Variants in SGK1 observed in about 807,000 individuals in gnomAD.
SGK1 encodes the protein serum/glucocorticoid regulated kinase 1, also known as serine/threonine-protein kinase Sgk1.
Under a neutral mutation model 64.2 loss-of-function variants are expected in SGK1, and 26 were observed. The observed-to-expected ratio is 0.40, with a 90% CI of 0.30 to 0.56. The LOEUF is 0.56. Ranked by LOEUF, SGK1 falls within the 20% of genes least tolerant of loss-of-function variation. The pLI, the probability that SGK1 is intolerant of heterozygous loss-of-function variation, is 0.38. For synonymous variants in SGK1, 265 were observed against 239.7 expected, an observed-to-expected ratio of 1.11 and a Z score of -0.98; for missense variants, 519 against 645.6, an observed-to-expected ratio of 0.80 and a Z score of 2.12.
chr6:134,298,534 C>A (rs536915003), intron 1 of SGK1: 5 of 807,598 alleles, frequency 6.2e-6, no homozygotes, highest in Non-Finnish European at 1.1e-5. Flanking sequence ...CTGGCCCCAC[C>A]ATAGCCTCCA....
At chr6:134,218,437 C>CTTTTTTTT (rs71003680) in intron 2 of SGK1, among the ~76,000 whole-genome samples, 10 of 129,166 alleles carry the variant, frequency 7.7e-5, no homozygotes, top group African/African-American at 1.4e-4. Context: ...TTCTTTTTTT[C>CTTTTTTTT]TTTTTTTTTT....
At chr6:134,253,352 C>G (rs777172465) in intron 2 of SGK1, among the ~76,000 whole-genome samples, 1 of 151,024 alleles carries the variant, frequency 6.6e-6, no homozygotes, top group African/African-American at 2.4e-5. Context: ...AGGCAGGTCT[C>G]GAACTCCTGG....
intron 3 of SGK1, among the ~76,000 whole-genome samples, chr6:134,189,070 T>C (rs1775467485): frequency 6.6e-6 from 1 of 151,884 alleles, no homozygotes; most frequent in Non-Finnish European, 1.5e-5. Context: ...ACAGACACTT[T>C]TTATAAAACT....
At chr6:134,291,889 C>T (rs1456817830) in intron 1 of SGK1, among the ~76,000 whole-genome samples, 6 of 151,918 alleles carry the variant, frequency 3.9e-5, no homozygotes, top group Non-Finnish European at 5.9e-5. Flanking sequence ...GGTGAAACTC[C>T]GTCTCTACTA....
intron 3 of SGK1, chr6:134,177,791 G>T (rs761036624): frequency 6.2e-7 from 1 of 1,613,708 alleles, no homozygotes. Context: ...CCTGCTACAT[G>T]CCTCTGATAA....
In SGK1 at chr6:134,170,191, T is replaced by C; in HGVS notation, c.*77A>G. 3 of 1,254,276 alleles carry C rather than the reference T, an allele frequency of 2.4e-6. No homozygotes were observed. The highest frequency in any genetic ancestry group is 1.4e-5 in the South Asian group (1 of 69,598). 77.7% of individuals were successfully genotyped at this position (1,254,276 alleles called of 1,614,324 possible). On this transcript the variant is annotated 3_prime_UTR_variant, in exon 14 of 14. Coordinates refer to ENST00000367858, the MANE Select transcript of SGK1 (RefSeq NM_001143676.3). ...TTCTCTTGTAAGATGTCCTGTCAGC[T>C]GGCGGCTCCACCAAAAGGCTAACTA...
In SGK1 at chr6:134,171,750, G is replaced by C. The variant is rs767153213; in HGVS notation, c.1072-18C>G. ...GCGAGATACTGAAAAACAGACCAGG[G>C]AAACAGCGTTTAGAACCTGCGAAAG... is the stretch of plus-strand genomic sequence containing the variant. On this transcript the variant is annotated intron_variant, in intron 10 of 13. Coordinates refer to ENST00000367858, the MANE Select transcript of SGK1 (RefSeq NM_001143676.3). The C allele has an allele frequency of 1.7e-5, 27 of 1,564,406 alleles. No homozygotes were observed. The highest frequency in any genetic ancestry group is 2.1e-5 in the Non-Finnish European group (24 of 1,135,546).
Position 134,222,909 on chromosome 6 carries a change from G to T in SGK1, c.286-15478C>A, listed in dbSNP as rs1776112782. Among the ~76,000 whole-genome samples the T allele has an allele frequency of 5.9e-5, 9 of 152,248 alleles. No homozygotes were observed. In the South Asian group the frequency reaches 1.9e-3, roughly 32 times the overall value. On this transcript the variant is annotated intron_variant, in intron 2 of 13. Coordinates refer to ENST00000367858, the MANE Select transcript of SGK1 (RefSeq NM_001143676.3). ...ACAGTGCTAAGTTCCTATCCAAAGG[G>T]AGTAGGGAGACTGGGTTATCAATGT... is the stretch of plus-strand genomic sequence containing the variant.
At chr6:134,304,636 A>C (rs192634939) in intron 1 of SGK1, among the ~76,000 whole-genome samples, 1 of 152,122 alleles carries the variant, frequency 6.6e-6, no homozygotes, top group East Asian at 1.9e-4. Context: ...TTGAAGTTCA[A>C]GGTTAAAGTG....
At chr6:134,198,698 A>ATT (rs34050351) in intron 3 of SGK1, among the ~76,000 whole-genome samples, 3 of 135,228 alleles carry the variant, frequency 2.2e-5, no homozygotes, top group Non-Finnish European at 3.1e-5. Flanking sequence ...CTTTATAGTG[A>ATT]TTTTTTTTCT....
intron 1 of SGK1, among the ~76,000 whole-genome samples, chr6:134,284,407 C>G (rs1777146539): frequency 6.6e-6 from 1 of 151,942 alleles, no homozygotes; most frequent in African/African-American, 2.4e-5. Context: ...TCACATCAGT[C>G]TTATGCCTTT....
chr6:134,298,624 A>G, intron 1 of SGK1: 3 of 1,265,628 alleles, frequency 2.4e-6, no homozygotes, highest in East Asian at 4.8e-5. Flanking sequence ...CCACTCGTGT[A>G]GGAGCGGCTG....
At chr6:134,206,375 ATATATATATTTTTTTTTTTTT>A (rs1775782007) in intron 3 of SGK1, among the ~76,000 whole-genome samples, 1 of 4,248 alleles carries the variant, frequency 2.4e-4, no homozygotes, top group African/African-American at 6.0e-4. Flanking sequence ...ATATATATAT[ATATATATATTTTTTTTTTTTT>A]TTTTTTTTTT....
At chr6:134,301,265 A>T (rs1472213251) in intron 1 of SGK1, among the ~76,000 whole-genome samples, 1 of 152,098 alleles carries the variant, frequency 6.6e-6, no homozygotes, top group Non-Finnish European at 1.5e-5. Flanking sequence ...GAGGAGGGAG[A>T]GTGGATGGGA....
At chr6:134,236,964 A>G (rs1377973732) in intron 2 of SGK1, among the ~76,000 whole-genome samples, 3 of 152,092 alleles carry the variant, frequency 2.0e-5, no homozygotes, top group African/African-American at 7.2e-5. Flanking sequence ...CATCCACAAC[A>G]ATCATCCCCA....
At chr6:134,173,924 C>T in intron 5 of SGK1, 81 bp downstream of exon 5, 4 of 916,380 alleles carry the variant, frequency 4.4e-6, no homozygotes, top group Non-Finnish European at 6.9e-6. Context: ...TCTAGAAATG[C>T]TATTTTAATC....
At chr6:134,211,993 T>C (rs1289387217) in intron 2 of SGK1, among the ~76,000 whole-genome samples, 1 of 152,054 alleles carries the variant, frequency 6.6e-6, no homozygotes, top group African/African-American at 2.4e-5. Flanking sequence ...AGAAAGCTCT[T>C]CACAGGTTGA....
chr6:134,239,987 G>A (rs1776418327), intron 2 of SGK1, among the ~76,000 whole-genome samples: 1 of 152,078 alleles, frequency 6.6e-6, no homozygotes, highest in South Asian at 2.1e-4. Context: ...GGCACAGAAA[G>A]CCCTAGTCAG....
intron 1 of SGK1, among the ~76,000 whole-genome samples, chr6:134,292,326 C>T (rs1426627023): frequency 6.6e-6 from 1 of 152,082 alleles, no homozygotes; most frequent in East Asian, 1.9e-4. Flanking sequence ...GGCGCGGTGG[C>T]TCATGCCTGT....
Sources: gnomAD v4.1 joint callset for allele counts (sites outside exome capture counted in the v4.1 genomes callset) on GRCh38, gnomAD v4.1.1 for gene constraint, MANE v1.5 for transcripts, NCBI Gene and HGNC (gene_info 2026-07-23, HGNC 2026-07-21) for gene names.